Variants in CCDC85C observed in about 807,000 individuals in gnomAD.
CCDC85C encodes the protein coiled-coil domain containing 85C, also known as coiled-coil domain-containing protein 85C.
CCDC85C carries 18 observed loss-of-function variants against 38.3 expected under a neutral mutation model. The ratio of observed to expected loss-of-function variants is 0.47; its 90% CI spans 0.33 to 0.70. CCDC85C has a LOEUF of 0.70. CCDC85C is among the 30% of genes least tolerant of loss of function. CCDC85C has a pLI of 0.03. For missense variants in CCDC85C, 566 were observed against 621.2 expected, an observed-to-expected ratio of 0.91 and a Z score of 0.94; for synonymous variants, 264 against 293.8, an observed-to-expected ratio of 0.90 and a Z score of 1.04.
At chr14:99,586,832 G>GC (rs1478049024) in intron 1 of CCDC85C, among the ~76,000 whole-genome samples, 2 of 152,054 alleles carry the variant, frequency 1.3e-5, no homozygotes, top group Non-Finnish European at 1.5e-5. Flanking sequence ...GTCCATCAAG[G>GC]CCCCCCGGCC....
chr14:99,577,587 G>C (rs932310211), intron 1 of CCDC85C, among the ~76,000 whole-genome samples: 1 of 152,078 alleles, frequency 6.6e-6, no homozygotes, highest in African/African-American at 2.4e-5. Flanking sequence ...GAAGGTGCAG[G>C]ATGGGGTGGG....
intron 1 of CCDC85C, among the ~76,000 whole-genome samples, chr14:99,589,137 C>G (rs1421254408): frequency 2.0e-5 from 3 of 151,912 alleles, no homozygotes; most frequent in Non-Finnish European, 2.9e-5. Context: ...GGGGTGAGCA[C>G]AGAGCCACGG....
intron 1 of CCDC85C, among the ~76,000 whole-genome samples, chr14:99,550,392 C>T (rs1398067853): frequency 1.3e-5 from 2 of 152,156 alleles, no homozygotes; most frequent in Non-Finnish European, 2.9e-5. Context: ...GACAGGGAAG[C>T]GGGCTCTCCC....
rs559339856 is a variant in CCDC85C, at chr14:99,576,181, A to G, written c.793+26986T>C. ...ACATCCAAGGCATAAACAGACCACA[A>G]GTCAAACTGTGACCTTGGGTGAGGA... On this transcript the variant is annotated intron_variant, in intron 1 of 5. Coordinates refer to ENST00000380243, the MANE Select transcript of CCDC85C (RefSeq NM_001144995.2). This position sits in a 1 kb window ranked among gnomAD's most constrained non-coding sequence, Gnocchi z 4.8. 6.6e-6 allele frequency among the ~76,000 whole-genome samples: 1 copy of G among 152,368 alleles called. No homozygotes were observed. The highest frequency in any genetic ancestry group is 2.4e-5 in the African/African-American group (1 of 41,590).
rs182566707 is a variant in CCDC85C at position 99,558,058 on chromosome 14, G to A, written c.794-21970C>T. The stretch of plus-strand genomic sequence containing the variant: ...TCTTAGGGGAAAAAAATATCAACCA[G>A]GTCTACTTCAGTGGTCTATTTAAGT... On this transcript the variant is annotated intron_variant, in intron 1 of 5. Transcript: ENST00000380243. The surrounding 1 kb of genome is among the most constrained non-coding windows in gnomAD (Gnocchi z 4.2). Among the ~76,000 whole-genome samples, 1 of 152,358 alleles carries A rather than the reference G, an allele frequency of 6.6e-6. No homozygotes were observed. The highest frequency in any genetic ancestry group is 1.9e-4 in the East Asian group (1 of 5,190).
chr14:99,508,885 G>C lies in CCDC85C; in HGVS notation c.*6361C>G, dbSNP rs1897042042. On this transcript the variant is annotated 3_prime_UTR_variant, in exon 6 of 6. Coordinates refer to ENST00000380243, the MANE Select transcript of CCDC85C (RefSeq NM_001144995.2). ...GAGTGACACACAGGAGGCATTGAAG[G>C]GTGTCAGCACTTTTCTGCACCTCTT... The C allele has an allele frequency of 1.3e-5, 2 of 152,312 alleles. No individual in the cohort carries two copies. Among genetic ancestry groups the C allele is most frequent in the African/African-American group, 2.4e-5 (1 of 41,446 alleles). 9.4% of individuals were successfully genotyped at this position (152,312 alleles called of 1,614,324 possible).
In CCDC85C at chr14:99,520,368, C is replaced by T. The variant is rs890788992; in HGVS notation, c.975+1765G>A. The stretch of plus-strand genomic sequence containing the variant: ...CAGCAGCCACTTCTCCAGGCTTCAT[C>T]GGCCCCTCCCACGAGATACCTTGAC... On this transcript the variant is annotated intron_variant, in intron 3 of 5. Transcript: ENST00000380243. This position sits in a 1 kb window ranked among gnomAD's most constrained non-coding sequence, Gnocchi z 4.1. 1.3e-5 allele frequency among the ~76,000 whole-genome samples: 2 copies of T among 152,138 alleles called. No individual in the cohort carries two copies. The highest frequency in any genetic ancestry group is 2.4e-5 in the African/African-American group (1 of 41,422).
rs58957780 is a variant in CCDC85C, at chr14:99,578,107, AGTGT to A, written c.793+25056_793+25059del. Reference sequence around the variant, plus strand: ...TACAGCCCGTCCTGTATCCCCCATCAGTGTGTGTGTGTGTGTGTGTGTGTGTACA... The same window carrying A: ...TACAGCCCGTCCTGTATCCCCCATCAGTGTGTGTGTGTGTGTGTGTGTACA... On this transcript the variant is annotated intron_variant, in intron 1 of 5. Transcript: ENST00000380243. 3.9e-3 allele frequency among the ~76,000 whole-genome samples: 299 copies of A among 76,084 alleles called. 5 individuals are homozygous for A. The highest frequency in any genetic ancestry group is 4.6e-3 in the Non-Finnish European group (198 of 42,650). The allele number at this position is 76,084 out of a possible 152,430, so 49.9% of individuals were successfully genotyped here.
rs982596985 is a variant in CCDC85C at position 99,572,163 on chromosome 14, G to C, written c.793+31004C>G. Reference sequence around the variant, plus strand: ...CCAAGCCTGAGGGCTCAAATTCACAGGGTGGTGGTCCCTAGAAAGACCTCC... The same window carrying C: ...CCAAGCCTGAGGGCTCAAATTCACACGGTGGTGGTCCCTAGAAAGACCTCC... On this transcript the variant is annotated intron_variant, in intron 1 of 5. Transcript: ENST00000380243. The surrounding 1 kb of genome is among the most constrained non-coding windows in gnomAD (Gnocchi z 4.4). 2.5e-4 allele frequency among the ~76,000 whole-genome samples: 38 copies of C among 152,306 alleles called. No individual in the cohort carries two copies. The highest frequency in any genetic ancestry group is 3.4e-3 in the Middle Eastern group (1 of 294).
At position 99,550,533 on chromosome 14, in the gene CCDC85C, AG is replaced by A. The variant is rs942816314; in HGVS notation, c.794-14446del. Among the ~76,000 whole-genome samples, 35 of 152,218 alleles carry A rather than the reference AG, an allele frequency of 2.3e-4. 1 individual carries two copies. Among genetic ancestry groups the A allele is most frequent in the South Asian group, 1.0e-3 (5 of 4,828 alleles). On this transcript the variant is annotated intron_variant, in intron 1 of 5. Transcript: ENST00000380243. ...TGTAGTCATGTGTGACAGCAGCCATAGGAAACCCACACAAGAACTACAAGTC... is the reference window on the plus strand; with the variant it reads ...TGTAGTCATGTGTGACAGCAGCCATAGAAACCCACACAAGAACTACAAGTC...
At position 99,506,786 on chromosome 14, in the gene CCDC85C, A is replaced by T. The variant is rs867767881; in HGVS notation, c.*8460T>A. 2.5e-6 allele frequency: 1 copy of T among 406,730 alleles called. No individual in the cohort carries two copies. Among genetic ancestry groups the T allele is most frequent in the African/African-American group, 2.0e-5 (1 of 48,888 alleles). The allele number at this position is 406,730 out of a possible 1,614,324, so 25.2% of individuals were successfully genotyped here. A position where few individuals can be genotyped will look rare whatever the true frequency, so the allele number is the denominator to read the frequency against. On this transcript the variant is annotated 3_prime_UTR_variant, in exon 6 of 6. Transcript: ENST00000380243. ...ATGAAGACGTTGCTCTGCTGGTCTC[A>T]CATGGTCGGAAGGACTTGAGTGAAG...
chr14:99,523,801 G>A (rs530844555), intron 2 of CCDC85C, among the ~76,000 whole-genome samples: 1 of 152,276 alleles, frequency 6.6e-6, no homozygotes, highest in African/African-American at 2.4e-5. Flanking sequence ...GGGGCCTTGG[G>A]CACAGCCCTG....
Position 99,507,371 on chromosome 14 carries a change from G to T in CCDC85C, c.*7875C>A. 1 of 536,300 alleles carries T rather than the reference G, an allele frequency of 1.9e-6. No individual in the cohort carries two copies. Among genetic ancestry groups the T allele is most frequent in the East Asian group, 3.2e-5 (1 of 31,120 alleles). The allele number at this position is 536,300 out of a possible 1,614,324, so 33.2% of individuals were successfully genotyped here. On this transcript the variant is annotated 3_prime_UTR_variant, in exon 6 of 6. Transcript: ENST00000380243. ...GCAGGAGAATCACCTGACCCCAGGA[G>T]TTCGAGGTCAGCCTGGGCAACAAAG...
At position 99,558,402 on chromosome 14, in the gene CCDC85C, C is replaced by CGT. The variant is rs1488762836; in HGVS notation, c.794-22316_794-22315dup. On this transcript the variant is annotated intron_variant, in intron 1 of 5. Coordinates refer to ENST00000380243, the MANE Select transcript of CCDC85C (RefSeq NM_001144995.2). This position sits in a 1 kb window ranked among gnomAD's most constrained non-coding sequence, Gnocchi z 4.2. Reference sequence around the variant, plus strand: ...GGTGGCCCTAAATCCAGTGACTGCACGTGAGGTCAAGAGTTCCAAACCAGC... The same window carrying CGT: ...GGTGGCCCTAAATCCAGTGACTGCACGTGTGAGGTCAAGAGTTCCAAACCAGC... Among the ~76,000 whole-genome samples the CGT allele has an allele frequency of 6.6e-6, 1 of 152,232 alleles. No individual in the cohort carries two copies. The highest frequency in any genetic ancestry group is 1.5e-5 in the Non-Finnish European group (1 of 68,044).
Position 99,500,903 on chromosome 14 carries a change from A to G in CCDC85C, c.*14343T>C. The G allele has an allele frequency of 1.6e-6, 2 of 1,287,562 alleles. No homozygotes were observed. The highest frequency in any genetic ancestry group is 2.7e-5 in the South Asian group (2 of 74,146). 79.8% of individuals were successfully genotyped at this position (1,287,562 alleles called of 1,614,324 possible). A position where few individuals can be genotyped will look rare whatever the true frequency, so the allele number is the denominator to read the frequency against. On this transcript the variant is annotated 3_prime_UTR_variant, in exon 6 of 6. Coordinates refer to ENST00000380243, the MANE Select transcript of CCDC85C (RefSeq NM_001144995.2). Reference sequence around the variant, plus strand: ...AGAAAGTTTTCAGAAGAATTTTTTCATTCTGAAATCAAGTCTTTATAATTT... The same window carrying G: ...AGAAAGTTTTCAGAAGAATTTTTTCGTTCTGAAATCAAGTCTTTATAATTT...
chr14:99,516,271 CG>C lies in CCDC85C; in HGVS notation c.1086del (p.His362GlnfsTer16). ...VVHAMKVLEV[H>X]ENLDRQLQDS... is the part of the protein sequence containing the mutation. ...TCCTGGAGCTGCCGGTCCAGATTCT[CG>C]TGTACCTCCAGGACCTGAAGGGAAC... On this transcript the variant is annotated frameshift_variant, in exon 5 of 6. Transcript: ENST00000380243. LOFTEE classifies it high-confidence loss of function. The surrounding 1 kb of genome is among the most constrained non-coding windows in gnomAD (Gnocchi z 5.5). 1 of 1,551,150 alleles carries C rather than the reference CG, an allele frequency of 6.4e-7. No individual in the cohort carries two copies. Among genetic ancestry groups the C allele is most frequent in the Non-Finnish European group, 8.7e-7 (1 of 1,146,876 alleles).
rs1896856529 is a variant in CCDC85C, at chr14:99,502,451, A to G, written c.*12795T>C. The G allele has an allele frequency of 4.6e-6, 7 of 1,535,908 alleles. No individual in the cohort carries two copies. The African/African-American group carries it at 5.5e-5, about 12-fold the overall frequency. On this transcript the variant is annotated 3_prime_UTR_variant, in exon 6 of 6. Coordinates refer to ENST00000380243, the MANE Select transcript of CCDC85C (RefSeq NM_001144995.2). ...TTCTTCCATGTGTACCCTGAGTCCCAAGAATGGATTTTCCCAGATAGACAT... is the reference window on the plus strand; with the variant it reads ...TTCTTCCATGTGTACCCTGAGTCCCGAGAATGGATTTTCCCAGATAGACAT...
At chr14:99,523,903 G>A (rs1897336297) in intron 2 of CCDC85C, among the ~76,000 whole-genome samples, 1 of 152,022 alleles carries the variant, frequency 6.6e-6, no homozygotes, top group African/African-American at 2.4e-5. Flanking sequence ...GCCCGCAGGT[G>A]GAGGTCAGAT....
chr14:99,561,660 G>GGAA (rs1202261762), intron 1 of CCDC85C, among the ~76,000 whole-genome samples: 1 of 152,198 alleles, frequency 6.6e-6, no homozygotes, highest in African/African-American at 2.4e-5. Context: ...CTGCAGATGA[G>GGAA]GAAACAGCCC....
Sources: gnomAD v4.1 joint callset for allele counts (sites outside exome capture counted in the v4.1 genomes callset) on GRCh38, gnomAD v4.1.1 for gene constraint, Gnocchi (gnomAD v3.1) non-coding constraint, MANE v1.5 for transcripts, NCBI Gene and HGNC (gene_info 2026-07-23, HGNC 2026-07-21) for gene names.